Variants in MAGEA4 observed in about 807,000 individuals in gnomAD.
MAGEA4 encodes the protein melanoma-associated antigen 4.
A neutral mutation model predicts 13.7 loss-of-function variants in MAGEA4; 1 was observed. The observed-to-expected ratio is 0.07, with a 90% CI of 0.03 to 0.35. The LOEUF (loss-of-function observed/expected upper bound fraction) is 0.35. Ranked by LOEUF, MAGEA4 falls within the 10% of genes least tolerant of loss-of-function variation. The pLI is 0.99. For missense variants in MAGEA4, 312 were observed against 245.1 expected (o/e 1.27, Z -1.82); for synonymous variants, 132 against 101.1 (o/e 1.31, Z -1.83).
intron 1 of MAGEA4, among the ~76,000 whole-genome samples, chrX:151,920,436 G>A (rs915135087): frequency 5.4e-5 from 6 of 110,794 alleles, no homozygotes; most frequent in African/African-American, 2.0e-4. Context: ...CGCTGAAGCC[G>A]CAGGGGACTA....
chrX:151,917,994 C>T (rs1184844457), intron 1 of MAGEA4, among the ~76,000 whole-genome samples: 5 of 79,165 alleles, frequency 6.3e-5, no homozygotes, highest in Admixed American at 2.8e-4. Context: ...TAAACCCATC[C>T]CCGCCCCCAT....
rs763672752 is a variant in MAGEA4, at chrX:151,924,526, C to T, written c.862C>T (p.Leu288=). The T allele has an allele frequency of 5.0e-6, 6 of 1,211,547 alleles. No homozygotes were observed. The South Asian group carries it at 7.0e-5, about 14-fold the overall frequency. Residue 288 remains leucine (L), a synonymous_variant, in exon 3 of 3, where the codon CTG becomes TTG. Coordinates refer to ENST00000276344, the MANE Select transcript of MAGEA4 (RefSeq NM_001011548.1). The stretch of plus-strand genomic sequence containing the variant: ...GGCTGAAACCAGCTATGTGAAAGTC[C>T]TGGAGCATGTGGTCAGGGTCAATGC... ...ALAETSYVKV[L]EHVVRVNARV... is the part of the protein sequence containing the mutation.
chrX:151,913,828 G>A (rs1933010367), intron 1 of MAGEA4: 1 of 121,007 alleles, frequency 8.3e-6, no homozygotes, highest in Non-Finnish European at 1.6e-5. Context: ...CTAAGAGAGG[G>A]CTAAGCGTAC....
At position 151,924,841 on chromosome X, in the gene MAGEA4, A is replaced by T; in HGVS notation, c.*223A>T. The T allele has an allele frequency of 2.8e-6, 1 of 363,625 alleles. No individual in the cohort carries two copies. The highest frequency in any genetic ancestry group is 4.5e-5 in the East Asian group (1 of 22,356). The allele number at this position is 363,625 out of a possible 1,213,427, so 30.0% of individuals were successfully genotyped here. On this transcript the variant is annotated 3_prime_UTR_variant, in exon 3 of 3. Coordinates refer to ENST00000276344, the MANE Select transcript of MAGEA4 (RefSeq NM_001011548.1). ...ATTGTTGAAATGTTCCTTTTAATGG[A>T]TGGTTGAATTAACTTCAGCATCCAA...
intron 1 of MAGEA4, among the ~76,000 whole-genome samples, chrX:151,920,761 G>C (rs912811684): frequency 4.6e-5 from 5 of 107,895 alleles, no homozygotes; most frequent in Non-Finnish European, 9.6e-5. Context: ...ACTGACTTGT[G>C]AATTGAGGGT....
chrX:151,923,260 A>G (rs930924681), intron 1 of MAGEA4, among the ~76,000 whole-genome samples, 193 bp from the exon 2 acceptor site: 3 of 112,430 alleles, frequency 2.7e-5, no homozygotes, highest in Non-Finnish European at 5.6e-5. Context: ...CAGTGTCCTC[A>G]GGTTACAGAG....
At chrX:151,922,785 G>A (rs957017083) in intron 1 of MAGEA4, among the ~76,000 whole-genome samples, 2 of 111,586 alleles carry the variant, frequency 1.8e-5, no homozygotes, top group African/African-American at 6.5e-5. Flanking sequence ...CTGGTGTCAC[G>A]GAGTGGGAGG....
chrX:151,924,353 G>C lies in MAGEA4; in HGVS notation c.689G>C (p.Gly230Ala). 8.3e-7 allele frequency: 1 copy of C among 1,211,020 alleles called. No individual in the cohort carries two copies. Among genetic ancestry groups the C allele is most frequent in the Non-Finnish European group, 1.1e-6 (1 of 895,078 alleles). ...ATCTGGGAGGAGCTGGGTGTGATGG[G>C]GGTGTATGATGGGAGGGAGCACACT... ...EEIWEELGVM[G>A]VYDGREHTVY... The change falls in exon 3 of 3, where the codon GGG becomes GCG. Residue 230 changes from glycine to alanine, a missense_variant. Coordinates refer to ENST00000276344, the MANE Select transcript of MAGEA4 (RefSeq NM_001011548.1).
chrX:151,922,276 A>G (rs1008025918), intron 1 of MAGEA4, among the ~76,000 whole-genome samples: 3 of 111,290 alleles, frequency 2.7e-5, no homozygotes, highest in Middle Eastern at 9.2e-3. Flanking sequence ...GGATGGCCCT[A>G]TGTGCCAATT....
intron 1 of MAGEA4, 130 bp downstream of exon 1, chrX:151,913,099 C>G (rs1363058826): frequency 8.9e-6 from 1 of 112,545 alleles, no homozygotes; most frequent in Admixed American, 8.9e-5. Context: ...GGGGGGCCAC[C>G]ACCCCACTGC....
intron 1 of MAGEA4, chrX:151,919,669 C>T: frequency 5.3e-6 from 4 of 753,855 alleles, no homozygotes; most frequent in South Asian, 6.8e-5. Context: ...CTCTGTCTGA[C>T]CAGCAGCTTG....
upstream of MAGEA4, chrX:151,912,541 A>G (rs761962958): frequency 1.6e-5 from 6 of 365,114 alleles, no homozygotes; most frequent in Non-Finnish European, 3.2e-5. Flanking sequence ...TGAGGAGGCA[A>G]GGTGGGGGCA....
At position 151,923,648 on chromosome X, in the gene MAGEA4, C is replaced by T. The variant is rs965080641; in HGVS notation, c.-17C>T. Reference sequence around the variant, plus strand: ...CTTTTGCCTGCACTCTTGCCTGCTGCCCTGACCAGAGTCATCATGTCTTCT... The same window carrying T: ...CTTTTGCCTGCACTCTTGCCTGCTGTCCTGACCAGAGTCATCATGTCTTCT... On this transcript the variant is annotated 5_prime_UTR_variant, in exon 3 of 3. Coordinates refer to ENST00000276344, the MANE Select transcript of MAGEA4 (RefSeq NM_001011548.1). 2.5e-6 allele frequency: 3 copies of T among 1,211,163 alleles called. No homozygotes were observed. The highest frequency in any genetic ancestry group is 3.4e-6 in the Non-Finnish European group (3 of 895,392).
intron 1 of MAGEA4, among the ~76,000 whole-genome samples, chrX:151,920,301 G>T (rs1379039997): frequency 1.8e-5 from 2 of 109,860 alleles, no homozygotes; most frequent in East Asian, 5.9e-4. Flanking sequence ...GAAGCTGAGG[G>T]AGAAGTCGGG....
intron 1 of MAGEA4, among the ~76,000 whole-genome samples, chrX:151,922,661 C>T (rs1470979892): frequency 1.8e-5 from 2 of 111,664 alleles, no homozygotes; most frequent in East Asian, 2.8e-4. Context: ...ATTGAGGGTA[C>T]CACAGGGCCA....
intron 1 of MAGEA4, chrX:151,919,029 G>C: frequency 2.7e-6 from 2 of 752,381 alleles, no homozygotes; most frequent in Non-Finnish European, 3.1e-6. Flanking sequence ...GGCCCTGTGA[G>C]GAGTCAAGGT....
chrX:151,923,761 ACTG>A lies in MAGEA4; in HGVS notation c.98_100del (p.Thr33_Glu34delinsLys), dbSNP rs1366624605. 2.5e-6 allele frequency: 3 copies of A among 1,208,869 alleles called. No homozygotes were observed. The highest frequency in any genetic ancestry group is 2.2e-6 in the Non-Finnish European group (2 of 894,679). On this transcript the variant is annotated inframe_deletion, in exon 3 of 3. Coordinates refer to ENST00000276344, the MANE Select transcript of MAGEA4 (RefSeq NM_001011548.1). ...CCTGGTGGGTGCACAGGCTCCTACT[ACTG>A]AGGAGCAGGAGGCTGCTGTCTCCTC...
chrX:151,922,544 CCTT>C (rs1420777158), intron 1 of MAGEA4, among the ~76,000 whole-genome samples: 5 of 111,344 alleles, frequency 4.5e-5, no homozygotes, highest in African/African-American at 1.6e-4. Flanking sequence ...GAGGTGAGGA[CCTT>C]GTTCTCAGAG....
chrX:151,923,441 T>C lies in MAGEA4; in HGVS notation c.-137-12T>C. 1 of 1,176,731 alleles carries C rather than the reference T, an allele frequency of 8.5e-7. No homozygotes were observed. The highest frequency in any genetic ancestry group is 1.1e-6 in the Non-Finnish European group (1 of 878,394). On this transcript the variant is annotated splice_polypyrimidine_tract_variant and intron_variant, in intron 1 of 2. Transcript: ENST00000276344. The stretch of plus-strand genomic sequence containing the variant: ...GCTATACCCTGAGGTGCTCTCTCAC[T>C]TCCTCCTTCAGGTTCTGAGCAGACA...
Sources: allele counts gnomAD v4.1 joint callset (sites outside exome capture counted in the v4.1 genomes callset), GRCh38; gene constraint gnomAD v4.1.1; transcripts MANE v1.5; gene names NCBI Gene and HGNC (gene_info 2026-07-23, HGNC 2026-07-21).